The following MSRB3 variants were observed in gnomAD, a reference collection of about 807,000 sequenced individuals.
MSRB3 encodes methionine-R-sulfoxide reductase B3.
A neutral mutation model predicts 21.0 loss-of-function variants in MSRB3; 13 were observed. The observed-to-expected ratio is 0.62, with a 90% CI of 0.40 to 0.98. The LOEUF is 0.98. Among genes scored for constraint, MSRB3 ranks in the 50% least tolerant of loss-of-function variants. The pLI, the probability that MSRB3 is intolerant of heterozygous loss-of-function variation, is 0.00. For missense variants in MSRB3, 199 were observed against 230.3 expected, an observed-to-expected ratio of 0.86 and a Z score of 0.88; for synonymous variants, 87 against 88.6, an observed-to-expected ratio of 0.98 and a Z score of 0.10.
At chr12:65,330,462 A>G (rs1875338966) in intron 4 of MSRB3, among the ~76,000 whole-genome samples, 1 of 152,130 alleles carries the variant, frequency 6.6e-6, no homozygotes, top group Admixed American at 6.5e-5. Context: ...ATTTTGGGAA[A>G]AATTCCTTGC....
chr12:65,453,843 G>T lies in MSRB3; in HGVS notation c.390+18G>T, dbSNP rs538374082. On this transcript the variant is annotated intron_variant, in intron 6 of 6. Transcript: ENST00000308259. ...GCTCTCAGGTGAGTTCATCCTTTCT[G>T]AAAACCCAATACATTGCTTTCAGGA... 3.3e-5 allele frequency: 53 copies of T among 1,600,648 alleles called. 3 individuals are homozygous for T. The South Asian group carries it at 5.8e-4, about 18-fold the overall frequency.
intron 2 of MSRB3, among the ~76,000 whole-genome samples, chr12:65,312,961 A>AT: frequency 6.6e-6 from 1 of 150,994 alleles, no homozygotes; most frequent in South Asian, 2.1e-4. Flanking sequence ...TTGTCTGACA[A>AT]TTTTTTCTCA....
chr12:65,411,195 A>C (rs1022456633), intron 5 of MSRB3, among the ~76,000 whole-genome samples: 2 of 152,236 alleles, frequency 1.3e-5, no homozygotes, highest in African/African-American at 4.8e-5. Context: ...GAAGTGGGAC[A>C]TACATCAAGT....
Position 65,308,570 on chromosome 12 carries a change from T to A in MSRB3, c.-10T>A. ...TTGCTTCTCGTTTTGTTGGTGAAGATATCACAGTGATGTCTGCATTCAACC... is the reference window on the plus strand; with the variant it reads ...TTGCTTCTCGTTTTGTTGGTGAAGAAATCACAGTGATGTCTGCATTCAACC... On this transcript the variant is annotated 5_prime_UTR_variant, in exon 2 of 7. Coordinates refer to ENST00000308259, the MANE Select transcript of MSRB3 (RefSeq NM_001031679.3). The A allele has an allele frequency of 6.2e-7, 1 of 1,613,904 alleles. No individual in the cohort carries two copies.
At chr12:65,300,936 G>A (rs1873290908) in intron 1 of MSRB3, among the ~76,000 whole-genome samples, 1 of 152,170 alleles carries the variant, frequency 6.6e-6, no homozygotes, top group African/African-American at 2.4e-5. Flanking sequence ...CCAGCCACAT[G>A]TTCCTACCCA....
At chr12:65,428,090 G>C (rs1191826931) in intron 5 of MSRB3, among the ~76,000 whole-genome samples, 1 of 152,184 alleles carries the variant, frequency 6.6e-6, no homozygotes, top group Non-Finnish European at 1.5e-5. Flanking sequence ...TGAGGTGTGT[G>C]TAGCTGTGTC....
intron 5 of MSRB3, among the ~76,000 whole-genome samples, chr12:65,373,081 G>A (rs1189226547): frequency 3.3e-5 from 5 of 152,158 alleles, no homozygotes. Context: ...GTAATGAGTA[G>A]GATGGAAGAA....
At chr12:65,452,839 T>A in intron 5 of MSRB3, among the ~76,000 whole-genome samples, 1 of 152,042 alleles carries the variant, frequency 6.6e-6, no homozygotes, top group East Asian at 1.9e-4. Context: ...GAAAAAAAAA[T>A]TGCACCAGCA....
At chr12:65,453,306 A>G (rs1262014766) in intron 5 of MSRB3, among the ~76,000 whole-genome samples, 1 of 152,214 alleles carries the variant, frequency 6.6e-6, no homozygotes, top group Non-Finnish European at 1.5e-5. Context: ...CTAAGGAGGC[A>G]TGGAATAGTT....
chr12:65,401,499 G>A (rs1880121697), intron 5 of MSRB3, among the ~76,000 whole-genome samples: 1 of 152,100 alleles, frequency 6.6e-6, no homozygotes, highest in Non-Finnish European at 1.5e-5. Flanking sequence ...GAGCTTATAT[G>A]TGTCTTTGCA....
intron 1 of MSRB3, among the ~76,000 whole-genome samples, chr12:65,297,555 A>G (rs971179919): frequency 6.6e-5 from 10 of 152,206 alleles, no homozygotes; most frequent in South Asian, 4.1e-4. Flanking sequence ...CGTGTTAGGT[A>G]GTAGAAATAA....
At chr12:65,337,058 A>G (rs1202717688) in intron 4 of MSRB3, among the ~76,000 whole-genome samples, 3 of 152,190 alleles carry the variant, frequency 2.0e-5, no homozygotes, top group East Asian at 1.9e-4. Context: ...CCTGGCCAAC[A>G]TGGTGAAACC....
At chr12:65,329,012 A>T (rs564804787) in intron 4 of MSRB3, among the ~76,000 whole-genome samples, 107 of 152,376 alleles carry the variant, frequency 7.0e-4, no homozygotes, top group African/African-American at 2.6e-3. Context: ...CACCAAGTAG[A>T]TTATACTTTT....
intron 4 of MSRB3, among the ~76,000 whole-genome samples, chr12:65,364,953 C>G (rs1030182902): frequency 3.3e-5 from 5 of 151,984 alleles, no homozygotes; most frequent in Admixed American, 3.3e-4. Context: ...TAAATTGATA[C>G]CCAAGGCCAT....
intron 5 of MSRB3, among the ~76,000 whole-genome samples, chr12:65,449,942 G>C (rs1179097871): frequency 1.3e-5 from 2 of 152,136 alleles, no homozygotes; most frequent in Non-Finnish European, 2.9e-5. Flanking sequence ...TTGGGATGGA[G>C]AGCTAAGAAA....
intron 5 of MSRB3, among the ~76,000 whole-genome samples, chr12:65,418,129 A>G (rs1313214653): frequency 6.6e-6 from 1 of 152,112 alleles, no homozygotes; most frequent in Non-Finnish European, 1.5e-5. Flanking sequence ...CTTGGGACGG[A>G]GTTTTGCTCT....
chr12:65,329,582 G>A (rs1468499141), intron 4 of MSRB3, among the ~76,000 whole-genome samples: 5 of 151,806 alleles, frequency 3.3e-5, no homozygotes, highest in Admixed American at 2.0e-4. Flanking sequence ...CCCAGGAGGC[G>A]GAGGTTGCAG....
chr12:65,342,062 G>T (rs982438257), intron 4 of MSRB3, among the ~76,000 whole-genome samples: 8 of 151,902 alleles, frequency 5.3e-5, no homozygotes, highest in Non-Finnish European at 8.8e-5. Context: ...GAAAATAGAA[G>T]TGGGAACTTG....
At chr12:65,452,874 A>C (rs190046852) in intron 5 of MSRB3, among the ~76,000 whole-genome samples, 6 of 152,270 alleles carry the variant, frequency 3.9e-5, no homozygotes, top group Admixed American at 1.3e-4. Context: ...CCCCTCTTTC[A>C]TCATTTTGGG....
Sources: allele counts gnomAD v4.1 joint callset (sites outside exome capture counted in the v4.1 genomes callset), GRCh38; gene constraint gnomAD v4.1.1; transcripts MANE v1.5; gene names NCBI Gene and HGNC (gene_info 2026-07-23, HGNC 2026-07-21).